The following CNTN5 variants were observed in gnomAD, a reference collection of about 807,000 sequenced individuals.
CNTN5 encodes the protein contactin 5.
A neutral mutation model predicts 129.1 loss-of-function variants in CNTN5; 77 were observed. The observed-to-expected ratio is 0.60, with a 90% CI of 0.50 to 0.72. CNTN5 has a LOEUF of 0.72. Among genes scored for constraint, CNTN5 ranks in the 30% least tolerant of loss-of-function variants. The pLI is 0.00. For missense variants in CNTN5, 1,478 were observed against 1,328.8 expected (o/e 1.11, Z -1.75); for synonymous variants, 509 against 465.6 (o/e 1.09, Z -1.20).
chr11:99,054,014 C>T lies in CNTN5; in HGVS notation c.-210+32744C>T, dbSNP rs564097103. 4.6e-5 allele frequency among the ~76,000 whole-genome samples: 7 copies of T among 151,808 alleles called. No homozygotes were observed. In the South Asian group the frequency reaches 1.5e-3, roughly 32 times the overall value. ...CTGTATCTGAAGTTCCTCAAGTGGC[C>T]GCTGTAATTCTGTTATCCTTGGAAA... On this transcript the variant is annotated intron_variant, in intron 1 of 24. Transcript: ENST00000524871.
intron 15 of CNTN5, among the ~76,000 whole-genome samples, chr11:100,212,703 T>G (rs1453061779): frequency 6.6e-6 from 1 of 152,064 alleles, no homozygotes; most frequent in Non-Finnish European, 1.5e-5. Flanking sequence ...CCTAATGACT[T>G]TATCTAGTTC....
chr11:99,090,050 T>A (rs1384181330), intron 1 of CNTN5, among the ~76,000 whole-genome samples: 1 of 152,212 alleles, frequency 6.6e-6, no homozygotes, highest in Non-Finnish European at 1.5e-5. Flanking sequence ...TCTAATACCT[T>A]GGGGTATAAT....
intron 3 of CNTN5, among the ~76,000 whole-genome samples, chr11:99,784,658 C>T (rs534251117): frequency 1.4e-4 from 22 of 152,136 alleles, no homozygotes; most frequent in Admixed American, 8.5e-4. Flanking sequence ...CACTGTCTTC[C>T]GCAACGGTTG....
At chr11:99,714,169 TG>T (rs1955121206) in intron 3 of CNTN5, among the ~76,000 whole-genome samples, 1 of 151,958 alleles carries the variant, frequency 6.6e-6, no homozygotes, top group Non-Finnish European at 1.5e-5. Context: ...TATTTTAATA[TG>T]GCTACACAGA....
At chr11:100,166,370 T>C (rs1338087823) in intron 13 of CNTN5, among the ~76,000 whole-genome samples, 1 of 151,718 alleles carries the variant, frequency 6.6e-6, no homozygotes, top group South Asian at 2.1e-4. Flanking sequence ...AACATCTCAT[T>C]ACCAAGACTA....
At chr11:100,177,213 A>G (rs112484105) in intron 13 of CNTN5, among the ~76,000 whole-genome samples, 4,714 of 152,184 alleles carry the variant, frequency 0.031, 245 homozygotes, top group African/African-American at 0.11. Context: ...CTCCCAAGCC[A>G]GGAAAAAGAT....
At chr11:99,033,926 A>C (rs1374183594) in intron 1 of CNTN5, among the ~76,000 whole-genome samples, 1 of 151,068 alleles carries the variant, frequency 6.6e-6, no homozygotes, top group East Asian at 1.9e-4. Context: ...AGCTCTTATT[A>C]TTTTGAAATA....
At chr11:99,681,167 C>G (rs1263697216) in intron 3 of CNTN5, among the ~76,000 whole-genome samples, 2 of 151,962 alleles carry the variant, frequency 1.3e-5, no homozygotes, top group Non-Finnish European at 2.9e-5. Context: ...GGAATCTACT[C>G]CTGGTGAAGA....
intron 9 of CNTN5, among the ~76,000 whole-genome samples, chr11:100,003,051 T>C (rs1450713925): frequency 6.6e-6 from 1 of 152,080 alleles, no homozygotes; most frequent in Non-Finnish European, 1.5e-5. Flanking sequence ...AAGGAAAATA[T>C]TAGTAAATAT....
intron 13 of CNTN5, among the ~76,000 whole-genome samples, chr11:100,131,477 G>T (rs1258811482): frequency 2.0e-5 from 3 of 152,044 alleles, no homozygotes; most frequent in Non-Finnish European, 2.9e-5. Flanking sequence ...TTAAGGTTGA[G>T]GTATTTGTGA....
At chr11:99,565,918 G>T (rs1158615057) in intron 3 of CNTN5, among the ~76,000 whole-genome samples, 1 of 152,102 alleles carries the variant, frequency 6.6e-6, no homozygotes, top group Non-Finnish European at 1.5e-5. Context: ...ATCCGTTTAG[G>T]TCATACAGAG....
At chr11:99,577,998 T>G (rs1403247456) in intron 3 of CNTN5, among the ~76,000 whole-genome samples, 10 of 114,196 alleles carry the variant, frequency 8.8e-5, no homozygotes, top group Non-Finnish European at 1.4e-4. Flanking sequence ...CCCACAACAG[T>G]CCCTGGTGTG....
intron 7 of CNTN5, among the ~76,000 whole-genome samples, chr11:99,922,123 G>A (rs1949954027): frequency 6.6e-6 from 1 of 152,182 alleles, no homozygotes; most frequent in African/African-American, 2.4e-5. Context: ...CCTGGCTGGA[G>A]GGCCTCACAA....
intron 2 of CNTN5, among the ~76,000 whole-genome samples, chr11:99,444,574 A>G (rs931578153): frequency 6.6e-6 from 1 of 152,208 alleles, no homozygotes; most frequent in African/African-American, 2.4e-5. Flanking sequence ...TACAAAATCT[A>G]CTGCTTACTT....
intron 3 of CNTN5, among the ~76,000 whole-genome samples, chr11:99,750,442 A>G (rs975665468): frequency 6.6e-6 from 1 of 152,116 alleles, no homozygotes; most frequent in Non-Finnish European, 1.5e-5. Context: ...TCAGATTGAT[A>G]TATCTCTAAC....
chr11:99,490,496 T>C (rs1237105710), intron 2 of CNTN5, among the ~76,000 whole-genome samples: 1 of 152,194 alleles, frequency 6.6e-6, no homozygotes, highest in Non-Finnish European at 1.5e-5. Context: ...AAATATGCAG[T>C]CAAATAATAG....
At chr11:99,770,883 A>G (rs1274917206) in intron 3 of CNTN5, among the ~76,000 whole-genome samples, 1 of 152,148 alleles carries the variant, frequency 6.6e-6, no homozygotes, top group Admixed American at 6.6e-5. Context: ...AGCTGGAGGC[A>G]TCACAGCTTT....
intron 6 of CNTN5, among the ~76,000 whole-genome samples, chr11:99,915,777 G>C (rs1050874239): frequency 6.6e-6 from 1 of 152,130 alleles, no homozygotes; most frequent in Non-Finnish European, 1.5e-5. Context: ...GACTCTTTGT[G>C]TTAAAAATGC....
chr11:99,773,519 G>A (rs1042205596), intron 3 of CNTN5, among the ~76,000 whole-genome samples: 4 of 152,086 alleles, frequency 2.6e-5, no homozygotes, highest in Admixed American at 2.0e-4. Flanking sequence ...CCTAGGGTAT[G>A]TTAGACTGCA....
Sources: allele counts gnomAD v4.1 joint callset (sites outside exome capture counted in the v4.1 genomes callset), GRCh38; gene constraint gnomAD v4.1.1; transcripts MANE v1.5; gene names NCBI Gene and HGNC (gene_info 2026-07-23, HGNC 2026-07-21).